Variants in AGAP5 observed in about 807,000 individuals in gnomAD.
AGAP5 encodes the protein arf-GAP with GTPase, ANK repeat and PH domain-containing protein 5.
AGAP5 carries 8 observed loss-of-function variants against 27.7 expected under a neutral mutation model. That is an observed-to-expected ratio of 0.29 (90% CI 0.17 to 0.52). The LOEUF (loss-of-function observed/expected upper bound fraction) is 0.52, where lower values mean the gene tolerates loss of function less well. Ranked by LOEUF, AGAP5 falls within the 20% of genes least tolerant of loss-of-function variation. AGAP5 has a pLI of 0.97. For missense variants in AGAP5, 285 were observed against 880.8 expected, an observed-to-expected ratio of 0.32 and a Z score of 8.56; for synonymous variants, 111 against 338.0, an observed-to-expected ratio of 0.33 and a Z score of 7.37.
Position 73,677,361 on chromosome 10 carries a change from G to A in AGAP5, c.534-591C>T, listed in dbSNP as rs1229357776. ...CGAAGACCCCTTCCAGAAGGCCTAA[G>A]AGGTCATAACTGTTCTTTTTTTTTT... On this transcript the variant is annotated intron_variant, in intron 6 of 7. Coordinates refer to ENST00000374094, the MANE Select transcript of AGAP5 (RefSeq NM_001144000.4). Among the ~76,000 whole-genome samples the A allele has an allele frequency of 2.8e-5, 4 of 142,084 alleles. No homozygotes were observed. The South Asian group carries it at 9.3e-4, about 33-fold the overall frequency. The allele number at this position is 142,084 out of a possible 152,430, so 93.2% of individuals were successfully genotyped here.
chr10:73,689,516 C>T (rs1422363205), intron 4 of AGAP5, among the ~76,000 whole-genome samples: 3 of 150,252 alleles, frequency 2.0e-5, no homozygotes, highest in South Asian at 2.1e-4. Context: ...CGTCTCTGCC[C>T]GGCCGCCATC....
chr10:73,683,453 A>ATTT (rs2082040471), intron 4 of AGAP5, among the ~76,000 whole-genome samples: 5 of 121,150 alleles, frequency 4.1e-5, no homozygotes, highest in South Asian at 5.6e-4. Flanking sequence ...TTAATTAATT[A>ATTT]ATTTATTTAT....
rs552883273 is a variant in AGAP5, at chr10:73,695,320, A to G, written c.293-516T>C. The stretch of plus-strand genomic sequence containing the variant: ...AGTAGCTGTCTTCCATAGTCATGTG[A>G]TATCTCTAAGTTTTCATTTCTTCAT... On this transcript the variant is annotated intron_variant, in intron 2 of 7. Coordinates refer to ENST00000374094, the MANE Select transcript of AGAP5 (RefSeq NM_001144000.4). Among the ~76,000 whole-genome samples, 1,232 of 152,208 alleles carry G rather than the reference A, an allele frequency of 8.1e-3. 15 individuals are homozygous for G. The highest frequency in any genetic ancestry group is 0.028 in the African/African-American group (1,169 of 41,534).
At chr10:73,692,633 ATTTTTTT>A (rs71021562) in intron 3 of AGAP5, among the ~76,000 whole-genome samples, 14 of 77,008 alleles carry the variant, frequency 1.8e-4, no homozygotes, top group South Asian at 1.4e-3. Context: ...CCTATCTTAA[ATTTTTTT>A]TTTTTTTTTT....
At chr10:73,691,125 G>A (rs947702660) in intron 4 of AGAP5, among the ~76,000 whole-genome samples, 3 of 152,148 alleles carry the variant, frequency 2.0e-5, no homozygotes, top group African/African-American at 7.2e-5. Context: ...GCTACTTAAC[G>A]ATATTTGGAT....
At chr10:73,688,922 A>ACTGCCT (rs1304922079) in intron 4 of AGAP5, among the ~76,000 whole-genome samples, 1 of 152,208 alleles carries the variant, frequency 6.6e-6, no homozygotes, top group Non-Finnish European at 1.5e-5. Flanking sequence ...TAAGAGCACA[A>ACTGCCT]CTGCCTCTGC....
chr10:73,691,578 C>T (rs1221125259), intron 4 of AGAP5, among the ~76,000 whole-genome samples: 4 of 151,652 alleles, frequency 2.6e-5, no homozygotes, highest in South Asian at 2.1e-4. Context: ...CTGCAACCTC[C>T]GCCTCCTGGG....
chr10:73,691,556 G>A (rs973702882), intron 4 of AGAP5, among the ~76,000 whole-genome samples: 9 of 150,282 alleles, frequency 6.0e-5, no homozygotes, highest in African/African-American at 2.2e-4. Flanking sequence ...GCAATGGCGC[G>A]ATCTTGGCTC....
intron 3 of AGAP5, among the ~76,000 whole-genome samples, chr10:73,693,698 CAAAAAA>C (rs200725473): frequency 9.7e-6 from 1 of 103,418 alleles, no homozygotes; most frequent in Non-Finnish European, 2.1e-5. Context: ...GACTCCATTT[CAAAAAA>C]AAAAAAAAAA....
At chr10:73,686,677 G>A (rs2082066518) in intron 4 of AGAP5, among the ~76,000 whole-genome samples, 1 of 151,972 alleles carries the variant, frequency 6.6e-6, no homozygotes, top group African/African-American at 2.4e-5. Context: ...GAATCTATGA[G>A]GAACTCAAAC....
intron 3 of AGAP5, among the ~76,000 whole-genome samples, chr10:73,692,515 C>G (rs2082127954): frequency 6.6e-6 from 1 of 151,942 alleles, no homozygotes; most frequent in Non-Finnish European, 1.5e-5. Context: ...TCTCTAGATG[C>G]AACATAATCC....
rs181948298 is a variant in AGAP5 at position 73,694,500 on chromosome 10, T to C, written c.361+236A>G. 4.2e-3 allele frequency among the ~76,000 whole-genome samples: 636 copies of C among 152,280 alleles called. 15 individuals are homozygous for C. In the East Asian group the frequency reaches 0.048, roughly 12 times the overall value. ...AGAAATCCATGACTCCTCCATCACA[T>C]GACAAATTAATTGTGTTGATAAAAA... On this transcript the variant is annotated intron_variant, in intron 3 of 7. Transcript: ENST00000374094.
rs1293880415 is a variant in AGAP5, at chr10:73,697,916, C to T, written c.-161G>A. ...CGGCCCCGGGCACCATCCCTGGCCCCGGCCCCGGCCCCGGCTAGGGCTGCG... is the reference window on the plus strand; with the variant it reads ...CGGCCCCGGGCACCATCCCTGGCCCTGGCCCCGGCCCCGGCTAGGGCTGCG... On this transcript the variant is annotated 5_prime_UTR_variant, in exon 1 of 8. Coordinates refer to ENST00000374094, the MANE Select transcript of AGAP5 (RefSeq NM_001144000.4). 2.5e-5 allele frequency: 38 copies of T among 1,529,218 alleles called. No homozygotes were observed. The highest frequency in any genetic ancestry group is 2.3e-4 in the Middle Eastern group (1 of 4,356). 94.7% of individuals were successfully genotyped at this position (1,529,218 alleles called of 1,614,324 possible).
At chr10:73,687,858 A>T (rs970203145) in intron 4 of AGAP5, among the ~76,000 whole-genome samples, 2 of 152,244 alleles carry the variant, frequency 1.3e-5, no homozygotes, top group Non-Finnish European at 2.9e-5. Context: ...GCTGAGACAT[A>T]AAAGTAGATA....
Position 73,676,619 on chromosome 10 carries a change from C to T in AGAP5, c.585+100G>A, listed in dbSNP as rs201986149. On this transcript the variant is annotated intron_variant, in intron 7 of 7. Transcript: ENST00000374094. The stretch of plus-strand genomic sequence containing the variant: ...CAACACTTAAGATGACTAAATGCAA[C>T]ATGAAATGGGGAAGATTTAAAAAAA... The T allele has an allele frequency of 2.8e-3, 1,603 of 578,466 alleles. 27 individuals carry two copies. The East Asian group carries it at 0.029, about 11-fold the overall frequency. The allele number at this position is 578,466 out of a possible 1,614,324, so 35.8% of individuals were successfully genotyped here. A position where few individuals can be genotyped will look rare whatever the true frequency, so the allele number is the denominator to read the frequency against.
chr10:73,693,476 T>C (rs1361549859), intron 3 of AGAP5, among the ~76,000 whole-genome samples: 2 of 150,146 alleles, frequency 1.3e-5, no homozygotes, highest in Non-Finnish European at 3.0e-5. Flanking sequence ...AGCGGGTAGA[T>C]CACTTGAGGT....
chr10:73,695,916 A>T (rs1327296575), intron 2 of AGAP5, among the ~76,000 whole-genome samples: 1 of 152,132 alleles, frequency 6.6e-6, no homozygotes, highest in Non-Finnish European at 1.5e-5. Context: ...TCTTTGCAAA[A>T]TTTTAGAGGC....
intron 4 of AGAP5, among the ~76,000 whole-genome samples, chr10:73,690,685 T>C (rs1354612717): frequency 2.0e-5 from 3 of 150,978 alleles, no homozygotes; most frequent in East Asian, 3.9e-4. Context: ...AGAGGTGTAC[T>C]CTCTATCAAA....
At chr10:73,693,340 C>T in intron 3 of AGAP5, among the ~76,000 whole-genome samples, 1 of 152,118 alleles carries the variant, frequency 6.6e-6, no homozygotes, top group South Asian at 2.1e-4. Context: ...GCAGTGGATT[C>T]CTTATGAATG....
Sources: gnomAD v4.1 joint callset for allele counts (sites outside exome capture counted in the v4.1 genomes callset) on GRCh38, gnomAD v4.1.1 for gene constraint, MANE v1.5 for transcripts, NCBI Gene and HGNC (gene_info 2026-07-23, HGNC 2026-07-21) for gene names.